Variants in SHROOM2 observed in about 807,000 individuals in gnomAD.
SHROOM2 encodes the protein shroom family member 2.
SHROOM2 carries 33 observed loss-of-function variants against 75.9 expected under a neutral mutation model. The ratio of observed to expected loss-of-function variants is 0.43; its 90% CI spans 0.33 to 0.58. The LOEUF (loss-of-function observed/expected upper bound fraction) is 0.58, where lower values mean the gene tolerates loss of function less well. SHROOM2 is among the 20% of genes least tolerant of loss of function. SHROOM2 has a pLI of 0.04. For missense variants in SHROOM2, 1,434 were observed against 1,461.2 expected (o/e 0.98, Z 0.30); for synonymous variants, 655 against 663.6 (o/e 0.99, Z 0.20).
chrX:9,886,200 C>T (rs2084260075), intron 2 of SHROOM2, among the ~76,000 whole-genome samples: 1 of 112,498 alleles, frequency 8.9e-6, no homozygotes, highest in South Asian at 3.6e-4. Context: ...AGGTTCCCTG[C>T]CTGCCTCCGA....
intron 2 of SHROOM2, among the ~76,000 whole-genome samples, chrX:9,888,938 T>C (rs907114150): frequency 5.3e-5 from 6 of 112,302 alleles, no homozygotes; most frequent in African/African-American, 1.9e-4. Context: ...TTTCTTTTCC[T>C]AGCCTTCTCT....
At chrX:9,898,557 G>T (rs962289783) in intron 5 of SHROOM2, among the ~76,000 whole-genome samples, 1 of 112,324 alleles carries the variant, frequency 8.9e-6, no homozygotes, top group Admixed American at 9.4e-5. Flanking sequence ...AATGGCTACT[G>T]TGTTTTCCGC....
chrX:9,787,438 A>G (rs2083621232), intron 1 of SHROOM2, among the ~76,000 whole-genome samples: 1 of 112,681 alleles, frequency 8.9e-6, no homozygotes, highest in Non-Finnish European at 1.9e-5. Flanking sequence ...GAACTTGTAA[A>G]AGCAAACACA....
intron 6 of SHROOM2, 36 bp from the exon 7 acceptor site, chrX:9,937,098 A>G: frequency 8.7e-7 from 1 of 1,142,915 alleles, no homozygotes. Flanking sequence ...TGGCTGGAGC[A>G]TGCTTTGCGA....
chrX:9,793,040 T>C (rs1252375684), intron 1 of SHROOM2, among the ~76,000 whole-genome samples: 2 of 110,542 alleles, frequency 1.8e-5, no homozygotes, highest in East Asian at 5.7e-4. Context: ...TATGAGGTTT[T>C]ATTTTATCAA....
rs781169320 is a variant in SHROOM2, at chrX:9,947,091, G to C, written c.*154G>C. The C allele has an allele frequency of 1.8e-6, 1 of 566,155 alleles. No individual in the cohort carries two copies. The allele number at this position is 566,155 out of a possible 1,213,427, so 46.7% of individuals were successfully genotyped here. A position where few individuals can be genotyped will look rare whatever the true frequency, so the allele number is the denominator to read the frequency against. On this transcript the variant is annotated 3_prime_UTR_variant, in exon 10 of 10. Transcript: ENST00000380913. ...TATAAAAGCAATAACTTTTGTGTTT[G>C]TGTGGGATGATTTATTTAATTTTTT...
chrX:9,912,105 C>G, intron 5 of SHROOM2, among the ~76,000 whole-genome samples: 1 of 54,117 alleles, frequency 1.8e-5, no homozygotes, highest in East Asian at 6.5e-4. Context: ...ATCCTTTCTC[C>G]AAACACACAC....
intron 1 of SHROOM2, among the ~76,000 whole-genome samples, chrX:9,863,110 C>T (rs1308708830): frequency 9.0e-6 from 1 of 111,150 alleles, no homozygotes; most frequent in Non-Finnish European, 1.9e-5. Context: ...GCACACTCTT[C>T]TTCCGGTCCC....
At chrX:9,931,705 TAAAG>T (rs1298936683) in intron 5 of SHROOM2, among the ~76,000 whole-genome samples, 1 of 111,661 alleles carries the variant, frequency 9.0e-6, no homozygotes, top group African/African-American at 3.3e-5. Flanking sequence ...AAGGTTTTAT[TAAAG>T]AATTGATTTG....
chrX:9,870,716 G>T (rs1220776266), intron 1 of SHROOM2, among the ~76,000 whole-genome samples: 1 of 112,044 alleles, frequency 8.9e-6, no homozygotes, highest in Non-Finnish European at 1.9e-5. Flanking sequence ...TGTCATGAGG[G>T]TATCTCTCTT....
intron 8 of SHROOM2, among the ~76,000 whole-genome samples, chrX:9,941,781 C>G (rs1436529624): frequency 2.8e-5 from 3 of 109,003 alleles, no homozygotes; most frequent in Admixed American, 2.0e-4. Flanking sequence ...GCCATCCTGG[C>G]TAACATGGTG....
chrX:9,861,219 T>G (rs932776689), intron 1 of SHROOM2, among the ~76,000 whole-genome samples: 1 of 112,125 alleles, frequency 8.9e-6, no homozygotes, highest in Non-Finnish European at 1.9e-5. Context: ...CAGGCTGGAG[T>G]GCAGTTGTAC....
At chrX:9,862,985 G>A (rs1194374051) in intron 1 of SHROOM2, among the ~76,000 whole-genome samples, 2 of 111,378 alleles carry the variant, frequency 1.8e-5, no homozygotes, top group Non-Finnish European at 3.8e-5. Context: ...TGGTGGTCAG[G>A]ATTTGGCCAA....
At chrX:9,856,694 T>C (rs1030582944) in intron 1 of SHROOM2, among the ~76,000 whole-genome samples, 5 of 111,935 alleles carry the variant, frequency 4.5e-5, no homozygotes, top group African/African-American at 1.6e-4. Flanking sequence ...GGCAAGAGGC[T>C]GTGCTGTTCC....
At chrX:9,887,572 T>C (rs2084267783) in intron 2 of SHROOM2, among the ~76,000 whole-genome samples, 1 of 112,614 alleles carries the variant, frequency 8.9e-6, no homozygotes, top group African/African-American at 3.2e-5. Context: ...GCATGAAAAG[T>C]GGCCCCAAAA....
chrX:9,809,056 C>G (rs912589426), intron 1 of SHROOM2, among the ~76,000 whole-genome samples: 36 of 104,791 alleles, frequency 3.4e-4, no homozygotes, highest in African/African-American at 1.2e-3. Flanking sequence ...TCCCTCCCTT[C>G]CCCCAAATCC....
At chrX:9,792,003 A>G (rs181032213) in intron 1 of SHROOM2, among the ~76,000 whole-genome samples, 45 of 295 alleles carry the variant, frequency 0.15, no homozygotes, top group South Asian at 0.47. Context: ...ATAGAATAGA[A>G]TAGAATAGAA....
At chrX:9,828,636 A>AT (rs1321053820) in intron 1 of SHROOM2, among the ~76,000 whole-genome samples, 23 of 108,140 alleles carry the variant, frequency 2.1e-4, no homozygotes, top group Non-Finnish European at 3.3e-4. Flanking sequence ...AGTTAATGTT[A>AT]TTTTTTTTTG....
intron 5 of SHROOM2, among the ~76,000 whole-genome samples, chrX:9,918,546 A>G (rs1361779091): frequency 8.9e-6 from 1 of 111,739 alleles, no homozygotes; most frequent in East Asian, 2.8e-4. Context: ...CAGTGGTGCA[A>G]TCACAGCTCA....
Sources: gnomAD v4.1 joint callset for allele counts (sites outside exome capture counted in the v4.1 genomes callset) on GRCh38, gnomAD v4.1.1 for gene constraint, MANE v1.5 for transcripts, NCBI Gene and HGNC (gene_info 2026-07-23, HGNC 2026-07-21) for gene names.